The following CDK5RAP2 variants were observed in gnomAD, a reference collection of about 807,000 sequenced individuals.
CDK5RAP2 encodes the protein CDK5 regulatory subunit-associated protein 2.
A neutral mutation model predicts 232.9 loss-of-function variants in CDK5RAP2; 147 were observed. The ratio of observed to expected loss-of-function variants is 0.63; its 90% CI spans 0.55 to 0.72. The LOEUF (loss-of-function observed/expected upper bound fraction) is 0.72, where lower values mean the gene tolerates loss of function less well. Ranked by LOEUF, CDK5RAP2 falls within the 30% of genes least tolerant of loss-of-function variation. The pLI is 0.00. For missense variants in CDK5RAP2, 2,195 were observed against 2,231.5 expected (o/e 0.98, Z 0.33); for synonymous variants, 833 against 833.7 (o/e 1.00, Z 0.01).
At chr9:120,424,614 C>T (rs533798201) in intron 25 of CDK5RAP2, among the ~76,000 whole-genome samples, 1 of 152,248 alleles carries the variant, frequency 6.6e-6, no homozygotes, top group Non-Finnish European at 1.5e-5. Context: ...TCAGTGCCAG[C>T]CCAGCCTTCC....
At chr9:120,544,917 G>C (rs1387934763) in intron 5 of CDK5RAP2, among the ~76,000 whole-genome samples, 3 of 152,248 alleles carry the variant, frequency 2.0e-5, no homozygotes, top group East Asian at 3.9e-4. Context: ...GCAGATGTTA[G>C]ACTCGAAATA....
At chr9:120,539,722 C>T (rs2041546907) in intron 5 of CDK5RAP2, among the ~76,000 whole-genome samples, 1 of 152,170 alleles carries the variant, frequency 6.6e-6, no homozygotes, top group Non-Finnish European at 1.5e-5. Flanking sequence ...TAAAAGCATC[C>T]TTGTATGTCT....
At chr9:120,493,130 G>C (rs2038988735) in intron 12 of CDK5RAP2, among the ~76,000 whole-genome samples, 1 of 152,220 alleles carries the variant, frequency 6.6e-6, no homozygotes, top group Non-Finnish European at 1.5e-5. Flanking sequence ...CTCAGACCAA[G>C]AAATCAGGTA....
In CDK5RAP2 at chr9:120,499,388, G is replaced by GTT. The variant is rs1367938041; in HGVS notation, c.1312-7913_1312-7912dup. On this transcript the variant is annotated intron_variant, in intron 12 of 37. Transcript: ENST00000349780. ...TTTGAATTTTCCATAATGAGCAGGGGTTTTTTTTTTAAAGGTACTTATTAG... is the reference window on the plus strand; with the variant it reads ...TTTGAATTTTCCATAATGAGCAGGGGTTTTTTTTTTTTAAAGGTACTTATTAG... Among the ~76,000 whole-genome samples, 6 of 148,248 alleles carry GTT rather than the reference G, an allele frequency of 4.0e-5. No individual in the cohort carries two copies. In the South Asian group the frequency reaches 1.3e-3, roughly 32 times the overall value.
chr9:120,521,650 T>C (rs914200608), intron 11 of CDK5RAP2, among the ~76,000 whole-genome samples: 53 of 145,136 alleles, frequency 3.7e-4, no homozygotes, highest in African/African-American at 1.2e-3. Flanking sequence ...TTTTCTTTTT[T>C]TTTTTTTTTT....
At chr9:120,411,828 C>G (rs886412671) in intron 28 of CDK5RAP2, among the ~76,000 whole-genome samples, 1 of 152,202 alleles carries the variant, frequency 6.6e-6, no homozygotes, top group African/African-American at 2.4e-5. Flanking sequence ...ACTCAGTCCT[C>G]AGAGCCAAAG....
chr9:120,549,449 A>G (rs1369626133), intron 4 of CDK5RAP2, among the ~76,000 whole-genome samples: 1 of 152,226 alleles, frequency 6.6e-6, no homozygotes, highest in African/African-American at 2.4e-5. Context: ...GAAAGGGGCA[A>G]TGAAATCAAG....
intron 3 of CDK5RAP2, among the ~76,000 whole-genome samples, chr9:120,564,405 G>A (rs570749775): frequency 1.3e-4 from 19 of 150,766 alleles, no homozygotes; most frequent in African/African-American, 2.2e-4. Flanking sequence ...CAGGAGAATC[G>A]CTTGAACCCG....
intron 12 of CDK5RAP2, among the ~76,000 whole-genome samples, chr9:120,497,421 T>TAAAAAAAAAAAAAAAAAAAAAAAAAA (rs71385064): frequency 8.6e-5 from 2 of 23,298 alleles, no homozygotes; most frequent in Non-Finnish European, 1.1e-4. Context: ...AAAATAAATT[T>TAAAAAAAAAAAAAAAAAAAAAAAAAA]AAAAAAAAAA....
chr9:120,575,960 T>C (rs2132234822), intron 1 of CDK5RAP2, among the ~76,000 whole-genome samples: 1 of 152,350 alleles, frequency 6.6e-6, no homozygotes, highest in Non-Finnish European at 1.5e-5. Context: ...TCTACAGCAG[T>C]GTTCTTCAAA....
intron 3 of CDK5RAP2, among the ~76,000 whole-genome samples, chr9:120,561,821 T>G (rs968864647): frequency 6.6e-6 from 1 of 152,254 alleles, no homozygotes; most frequent in African/African-American, 2.4e-5. Context: ...TTGAAATAAC[T>G]GCACTACCTT....
chr9:120,518,264 A>C (rs1384858581), intron 12 of CDK5RAP2, among the ~76,000 whole-genome samples, 163 bp downstream of exon 12: 1 of 151,352 alleles, frequency 6.6e-6, no homozygotes, highest in Non-Finnish European at 1.5e-5. Flanking sequence ...AAAAGGACTG[A>C]AATACCAAAT....
At chr9:120,454,386 T>C (rs1040375397) in intron 20 of CDK5RAP2, among the ~76,000 whole-genome samples, 2 of 152,204 alleles carry the variant, frequency 1.3e-5, no homozygotes, top group African/African-American at 4.8e-5. Flanking sequence ...AATGAAGGGA[T>C]ATTTGTACAC....
chr9:120,427,333 T>C (rs1254142454), intron 25 of CDK5RAP2, among the ~76,000 whole-genome samples: 2 of 152,284 alleles, frequency 1.3e-5, no homozygotes, highest in Non-Finnish European at 2.9e-5. Context: ...AATGCCGTCC[T>C]GGGCTGCATG....
intron 18 of CDK5RAP2, among the ~76,000 whole-genome samples, chr9:120,462,486 GCCCA>G (rs2037146196): frequency 6.7e-6 from 1 of 149,954 alleles, no homozygotes; most frequent in African/African-American, 2.4e-5. Context: ...GTACATGAAT[GCCCA>G]TATCACCTTT....
At chr9:120,400,618 T>A (rs2032921456) in intron 35 of CDK5RAP2, 124 bp downstream of exon 35, 3 of 1,174,222 alleles carry the variant, frequency 2.6e-6, no homozygotes, top group Admixed American at 3.6e-5. Flanking sequence ...CGGTGCCATC[T>A]CCTCCCTAAT....
chr9:120,405,570 G>A (rs888753124), intron 32 of CDK5RAP2, among the ~76,000 whole-genome samples: 2 of 152,182 alleles, frequency 1.3e-5, no homozygotes, highest in Non-Finnish European at 1.5e-5. Context: ...GTGCAGACCC[G>A]TGTTGAAAAT....
At chr9:120,425,660 C>T (rs897024362) in intron 25 of CDK5RAP2, among the ~76,000 whole-genome samples, 1 of 152,248 alleles carries the variant, frequency 6.6e-6, no homozygotes, top group African/African-American at 2.4e-5. Context: ...TGAAACAGTA[C>T]TTCCGAGCTC....
In CDK5RAP2 at chr9:120,525,007, T is replaced by G. The variant is rs1329521603; in HGVS notation, c.1071A>C (p.Lys357Asn). ...TTACCTGAAATTCCTGGGTCTGTGC[T>G]TTCTGTAGGGCCTCTCTGGCTTTAG... ...AFAKAREALQKAQTQEFQGSE... is the reference protein window; with the variant it reads ...AFAKAREALQNAQTQEFQGSE... The change falls in exon 11 of 38, where the codon AAA becomes AAC. Residue 357 changes from lysine to asparagine, a missense_variant. Transcript: ENST00000349780. The G allele has an allele frequency of 6.2e-7, 1 of 1,614,024 alleles. No individual in the cohort carries two copies. The highest frequency in any genetic ancestry group is 8.5e-7 in the Non-Finnish European group (1 of 1,179,882).
Sources: allele counts gnomAD v4.1 joint callset (sites outside exome capture counted in the v4.1 genomes callset), GRCh38; gene constraint gnomAD v4.1.1; transcripts MANE v1.5; gene names NCBI Gene and HGNC (gene_info 2026-07-23, HGNC 2026-07-21).